DCC: variants seen among roughly 807,000 people sequenced by gnomAD.
The protein encoded by DCC is netrin receptor DCC.
A neutral mutation model predicts 172.5 loss-of-function variants in DCC; 58 were observed. The ratio of observed to expected loss-of-function variants is 0.34; its 90% CI spans 0.27 to 0.42. The LOEUF is 0.42. Among genes scored for constraint, DCC ranks in the 10% least tolerant of loss-of-function variants. DCC has a pLI of 1.00. For synonymous variants in DCC, 709 were observed against 644.5 expected, an observed-to-expected ratio of 1.10 and a Z score of -1.52; for missense variants, 1,740 against 1,791.0, an observed-to-expected ratio of 0.97 and a Z score of 0.51.
intron 1 of DCC, among the ~76,000 whole-genome samples, chr18:52,379,488 C>G (rs1037230342): frequency 2.0e-5 from 3 of 152,158 alleles, no homozygotes; most frequent in Non-Finnish European, 4.4e-5. Flanking sequence ...TCAACACTCT[C>G]CTCTCCACTG....
chr18:52,783,239 A>G (rs1177886614), intron 2 of DCC, among the ~76,000 whole-genome samples: 2 of 150,994 alleles, frequency 1.3e-5, no homozygotes, highest in Admixed American at 1.3e-4. Context: ...AACTGCTCTT[A>G]AAAGTGGTTT....
intron 13 of DCC, among the ~76,000 whole-genome samples, chr18:53,313,686 T>C (rs567547595): frequency 6.6e-6 from 1 of 152,344 alleles, no homozygotes; most frequent in East Asian, 1.9e-4. Context: ...AAGTCTGATG[T>C]AGTGATCATA....
chr18:53,179,452 A>G (rs2055161255), intron 9 of DCC, among the ~76,000 whole-genome samples: 1 of 152,170 alleles, frequency 6.6e-6, no homozygotes, highest in Non-Finnish European at 1.5e-5. Flanking sequence ...GAATTTTCAG[A>G]TTTTTTGAGT....
chr18:52,877,244 C>T (rs1943099), intron 2 of DCC, among the ~76,000 whole-genome samples: 3,162 of 152,208 alleles, frequency 0.021, 58 homozygotes, highest in Admixed American at 0.039. Context: ...CTTCCACTTA[C>T]CAAACACCTA....
At chr18:52,954,687 A>G (rs1345669147) in intron 5 of DCC, among the ~76,000 whole-genome samples, 1 of 152,208 alleles carries the variant, frequency 6.6e-6, no homozygotes, top group Non-Finnish European at 1.5e-5. Flanking sequence ...TTAAGAAGCA[A>G]TTTTTAAAAG....
At chr18:52,403,137 G>A (rs1178525739) in intron 1 of DCC, among the ~76,000 whole-genome samples, 1 of 151,962 alleles carries the variant, frequency 6.6e-6, no homozygotes, top group Non-Finnish European at 1.5e-5. Flanking sequence ...GAGAGTTTCA[G>A]GCAAAAGCTT....
At chr18:52,351,886 T>C (rs1464570458) in intron 1 of DCC, among the ~76,000 whole-genome samples, 1 of 152,224 alleles carries the variant, frequency 6.6e-6, no homozygotes, top group Non-Finnish European at 1.5e-5. Context: ...AACCTTTCCA[T>C]GTCACCGGAC....
intron 1 of DCC, among the ~76,000 whole-genome samples, chr18:52,416,500 G>A (rs1236078669): frequency 6.6e-6 from 1 of 151,730 alleles, no homozygotes; most frequent in Non-Finnish European, 1.5e-5. Flanking sequence ...ATTATTGTGT[G>A]GGAGTCTAAG....
intron 2 of DCC, among the ~76,000 whole-genome samples, chr18:52,895,614 G>A (rs2039717171): frequency 6.6e-6 from 1 of 152,154 alleles, no homozygotes; most frequent in East Asian, 1.9e-4. Flanking sequence ...TTCTATGGAT[G>A]TATAATGTTA....
intron 14 of DCC, among the ~76,000 whole-genome samples, chr18:53,338,701 C>G (rs2057619172): frequency 6.6e-6 from 1 of 152,092 alleles, no homozygotes; most frequent in Admixed American, 6.5e-5. Flanking sequence ...AAAATCAGAA[C>G]AATTTATTAT....
intron 6 of DCC, chr18:53,063,733 TTC>T: frequency 2.7e-6 from 1 of 372,552 alleles, no homozygotes. Context: ...GCCTAAGTAT[TTC>T]TGAGTAGTTT....
intron 15 of DCC, among the ~76,000 whole-genome samples, chr18:53,350,752 C>T (rs912599548): frequency 6.6e-6 from 1 of 151,972 alleles, no homozygotes; most frequent in Non-Finnish European, 1.5e-5. Context: ...AAATGTCAAA[C>T]TTTATATTGT....
chr18:53,271,056 ACATTTTGG>A lies in DCC; in HGVS notation c.1912-34520_1912-34513del, dbSNP rs1336863621. On this transcript the variant is annotated intron_variant, in intron 12 of 28. Coordinates refer to ENST00000442544, the MANE Select transcript of DCC (RefSeq NM_005215.4). ...ATAGTGGAGCTCAGTGTGAAATCAAACATTTTGGCTCTAGAGATTTTGCTACTCACCAC... is the reference window on the plus strand; with the variant it reads ...ATAGTGGAGCTCAGTGTGAAATCAAACTCTAGAGATTTTGCTACTCACCAC... Among the ~76,000 whole-genome samples the A allele has an allele frequency of 4.6e-5, 7 of 152,260 alleles. No homozygotes were observed. The East Asian group carries it at 1.4e-3, about 29-fold the overall frequency.
intron 1 of DCC, among the ~76,000 whole-genome samples, chr18:52,515,040 G>A (rs530901823): frequency 4.5e-4 from 68 of 152,266 alleles, no homozygotes; most frequent in African/African-American, 1.6e-3. Context: ...ATCTCTCATG[G>A]AGTTATCTGC....
chr18:52,611,286 TC>T (rs1288060972), intron 1 of DCC, among the ~76,000 whole-genome samples: 1 of 152,172 alleles, frequency 6.6e-6, no homozygotes, highest in African/African-American at 2.4e-5. Flanking sequence ...TCTTAGGAGT[TC>T]ATCAAGGTCC....
intron 12 of DCC, among the ~76,000 whole-genome samples, chr18:53,304,931 C>G (rs1289079365): frequency 1.3e-5 from 2 of 152,080 alleles, no homozygotes; most frequent in East Asian, 3.9e-4. Context: ...ATGGGAGGGA[C>G]CCGTTGGGAG....
chr18:52,522,222 C>T (rs972390085), intron 1 of DCC, among the ~76,000 whole-genome samples: 1 of 152,118 alleles, frequency 6.6e-6, no homozygotes, highest in Non-Finnish European at 1.5e-5. Flanking sequence ...ATGGTTTTAC[C>T]ATTTCTATGG....
chr18:52,415,784 C>T (rs1388743963), intron 1 of DCC, among the ~76,000 whole-genome samples: 1 of 151,836 alleles, frequency 6.6e-6, no homozygotes, highest in African/African-American at 2.4e-5. Flanking sequence ...ATTAATCTTG[C>T]TAGTGGTCTA....
At chr18:52,960,353 CAGGTT>C (rs1291215911) in intron 5 of DCC, among the ~76,000 whole-genome samples, 2 of 152,124 alleles carry the variant, frequency 1.3e-5, no homozygotes, top group Non-Finnish European at 2.9e-5. Context: ...CAGCAGAAAT[CAGGTT>C]AGACTTTTAC....
Sources: allele counts gnomAD v4.1 joint callset (sites outside exome capture counted in the v4.1 genomes callset), GRCh38; gene constraint gnomAD v4.1.1; transcripts MANE v1.5; gene names NCBI Gene and HGNC (gene_info 2026-07-23, HGNC 2026-07-21).